VWA3A: variants seen among roughly 807,000 people sequenced by gnomAD.
The protein encoded by VWA3A is von Willebrand factor A domain containing 3A.
In VWA3A, 134 loss-of-function variants were observed where a neutral mutation model predicts 160.4. The observed-to-expected ratio is 0.84, with a 90% CI of 0.73 to 0.96. The LOEUF (loss-of-function observed/expected upper bound fraction) is 0.96, where lower values mean the gene tolerates loss of function less well. Ranked by LOEUF, VWA3A falls within the 40% of genes least tolerant of loss-of-function variation. VWA3A has a pLI of 0.00. For missense variants in VWA3A, 1,310 were observed against 1,447.9 expected, an observed-to-expected ratio of 0.90 and a Z score of 1.55; for synonymous variants, 476 against 543.4, an observed-to-expected ratio of 0.88 and a Z score of 1.72.
chr16:22,107,470 G>T (rs757592316), intron 6 of VWA3A, among the ~76,000 whole-genome samples: 51 of 152,268 alleles, frequency 3.3e-4, no homozygotes, highest in African/African-American at 1.0e-3. Context: ...GGCCAGGCAC[G>T]ATGGCTCATG....
chr16:22,148,206 A>G lies in VWA3A; in HGVS notation c.2884A>G (p.Ile962Val), dbSNP rs201489836. The G allele has an allele frequency of 6.9e-6, 11 of 1,603,178 alleles. No homozygotes were observed. The East Asian group carries it at 2.2e-4, about 33-fold the overall frequency. ...FGTVLESKVC[I>V]LLDTSGSMGP... ...CACCGTTTTGGAGAGCAAAGTATGC[A>G]TATTGCTGGACACGTCAGGGTCCAT... The change falls in exon 28 of 34, where the codon ATA becomes GTA. Residue 962 changes from isoleucine to valine, a missense_variant. Coordinates refer to ENST00000389398, the MANE Select transcript of VWA3A (RefSeq NM_173615.5).
At position 22,109,572 on chromosome 16, in the gene VWA3A, G is replaced by A; in HGVS notation, c.574G>A (p.Asp192Asn). The A allele has an allele frequency of 6.2e-7, 1 of 1,613,442 alleles. No homozygotes were observed. Among genetic ancestry groups the A allele is most frequent in the South Asian group, 1.1e-5 (1 of 91,054 alleles). The change falls in exon 7 of 34, where the codon GAC (aspartate) becomes AAC (asparagine). Residue 192 changes from aspartate to asparagine, a missense_variant. Coordinates refer to ENST00000389398, the MANE Select transcript of VWA3A (RefSeq NM_173615.5). ...SGPQKEEFQK[D>N]LMSLIDEQLS... ...CCCTCAGAAAGAAGAGTTCCAAAAG[G>A]ACCTCATGGTAAGTCTGTCTGGCAC...
intron 12 of VWA3A, 54 bp from the exon 13 acceptor site, chr16:22,120,914 A>G (rs2045722004): frequency 6.2e-7 from 1 of 1,603,828 alleles, no homozygotes; most frequent in Non-Finnish European, 8.5e-7. Context: ...AAGACTGAGG[A>G]CTTTTCAGCT....
intron 3 of VWA3A, among the ~76,000 whole-genome samples, chr16:22,098,758 A>G (rs2141831948): frequency 1.3e-5 from 2 of 152,204 alleles, no homozygotes; most frequent in South Asian, 4.2e-4. Flanking sequence ...AGCAACACAG[A>G]TGGAAGAAAG....
intron 31 of VWA3A, among the ~76,000 whole-genome samples, chr16:22,154,985 A>G: frequency 7.9e-6 from 1 of 126,252 alleles, no homozygotes; most frequent in Non-Finnish European, 1.6e-5. Flanking sequence ...AAAAAAAAAA[A>G]AAAAAAAAAA....
chr16:22,136,887 ACACACACG>A (rs954711009), intron 21 of VWA3A, among the ~76,000 whole-genome samples: 3 of 109,730 alleles, frequency 2.7e-5, no homozygotes, highest in African/African-American at 1.7e-4. Flanking sequence ...ACACACACAC[ACACACACG>A]CACACACACA....
Position 22,155,844 on chromosome 16 carries a change from C to A in VWA3A, c.3504-7C>A, listed in dbSNP as rs779255554. 3 of 1,613,804 alleles carry A rather than the reference C, an allele frequency of 1.9e-6. No individual in the cohort carries two copies. Among genetic ancestry groups the A allele is most frequent in the Non-Finnish European group, 1.7e-6 (2 of 1,179,888 alleles). The stretch of plus-strand genomic sequence containing the variant: ...GAGACCATCTTTCTTCATCTCCTGC[C>A]CACCAGATCCCAACTCCAGAAGAAA... On this transcript the variant is annotated splice_region_variant and splice_polypyrimidine_tract_variant and intron_variant, in intron 32 of 33. Coordinates refer to ENST00000389398, the MANE Select transcript of VWA3A (RefSeq NM_173615.5).
intron 1 of VWA3A, among the ~76,000 whole-genome samples, chr16:22,093,841 C>T (rs761572999): frequency 3.9e-5 from 6 of 152,052 alleles, no homozygotes; most frequent in African/African-American, 4.8e-5. Flanking sequence ...CACAGCTCAC[C>T]GCAGCCTCAA....
rs775544217 is a variant in VWA3A at position 22,148,246 on chromosome 16, A to G, written c.2924A>G (p.Gln975Arg). 1.3e-6 allele frequency: 2 copies of G among 1,598,872 alleles called. No individual in the cohort carries two copies. The highest frequency in any genetic ancestry group is 8.5e-7 in the Non-Finnish European group (1 of 1,173,032). Reference protein sequence around the residue: ...DTSGSMGPYLQQVKTELVLLI... With the variant: ...DTSGSMGPYLRQVKTELVLLI... ...TCAGGGTCCATGGGCCCCTACCTGC[A>G]GCAGGTGAAGACAGAGCTGGTTTTG... Residue 975 changes from glutamine to arginine, a missense_variant, in exon 28 of 34, where the codon CAG becomes CGG. Coordinates refer to ENST00000389398, the MANE Select transcript of VWA3A (RefSeq NM_173615.5).
intron 24 of VWA3A, 103 bp from the exon 25 acceptor site, chr16:22,142,565 C>A: frequency 1.2e-6 from 1 of 826,110 alleles, no homozygotes; most frequent in Non-Finnish European, 2.0e-6. Flanking sequence ...ACCCAAACAC[C>A]TCCCATTAAG....
At chr16:22,131,760 T>A (rs975419667) in intron 19 of VWA3A, 31 bp downstream of exon 19, 1 of 1,598,156 alleles carries the variant, frequency 6.3e-7, no homozygotes, top group Non-Finnish European at 8.5e-7. Flanking sequence ...GTGTCCATTA[T>A]CCTTTGCGAC....
chr16:22,143,100 A>G (rs1220976175), intron 25 of VWA3A, among the ~76,000 whole-genome samples: 1 of 151,074 alleles, frequency 6.6e-6, no homozygotes, highest in East Asian at 1.9e-4. Flanking sequence ...CAGTGAGCCA[A>G]GATTGTGCCG....
At chr16:22,126,774 G>A (rs1256582169) in intron 17 of VWA3A, among the ~76,000 whole-genome samples, 2 of 152,108 alleles carry the variant, frequency 1.3e-5, no homozygotes, top group East Asian at 1.9e-4. Context: ...TTGGGAGGCC[G>A]AGACAGGAGG....
Position 22,120,990 on chromosome 16 carries a change from G to A in VWA3A, c.1139G>A (p.Gly380Glu). 6.2e-7 allele frequency: 1 copy of A among 1,613,866 alleles called. No homozygotes were observed. Among genetic ancestry groups the A allele is most frequent in the Non-Finnish European group, 8.5e-7 (1 of 1,179,858 alleles). ...TAGATTTCCACAGAGATTACAAATG[G>A]GCCACTCATAAGCCTCTTGCCTAAA... is the stretch of plus-strand genomic sequence containing the variant. Reference protein sequence around the residue: ...MEEISTEITNGPLISLLPKPP... With the variant: ...MEEISTEITNEPLISLLPKPP... Residue 380 changes from glycine (G) to glutamate (E), a missense_variant, in exon 13 of 34, where the codon GGG becomes GAG. By Grantham distance (98) the Gly-to-Glu change is moderately conservative. Transcript: ENST00000389398.
intron 6 of VWA3A, 95 bp from the exon 7 acceptor site, chr16:22,109,387 G>A: frequency 9.7e-7 from 1 of 1,027,734 alleles, no homozygotes; most frequent in Non-Finnish European, 1.5e-6. Context: ...TAGGGGTGAG[G>A]AAAGTGTTTG....
At chr16:22,126,503 C>T (rs1030124749) in intron 17 of VWA3A, among the ~76,000 whole-genome samples, 16 of 151,932 alleles carry the variant, frequency 1.1e-4, no homozygotes, top group Admixed American at 9.8e-4. Flanking sequence ...CCTACTGGGG[C>T]GAAGGTGGTA....
At chr16:22,152,757 A>C in intron 31 of VWA3A, 123 bp downstream of exon 31, 9 of 1,408,584 alleles carry the variant, frequency 6.4e-6, no homozygotes, top group East Asian at 2.7e-5. Context: ...GCCTCCCAAA[A>C]TGTTGGGATT....
At chr16:22,153,332 G>C (rs559672300) in intron 31 of VWA3A, among the ~76,000 whole-genome samples, 1 of 152,308 alleles carries the variant, frequency 6.6e-6, no homozygotes, top group African/African-American at 2.4e-5. Context: ...GTCAGAGCAA[G>C]ACTCCGTCTC....
At chr16:22,109,372 C>A in intron 6 of VWA3A, 110 bp from the exon 7 acceptor site, 2 of 863,808 alleles carry the variant, frequency 2.3e-6, no homozygotes, top group African/African-American at 1.7e-5. Flanking sequence ...TCTGCTGCTG[C>A]TTGTTAGGGG....
Sources: gnomAD v4.1 joint callset for allele counts (sites outside exome capture counted in the v4.1 genomes callset) on GRCh38, gnomAD v4.1.1 for gene constraint, MANE v1.5 for transcripts, NCBI Gene and HGNC (gene_info 2026-07-23, HGNC 2026-07-21) for gene names.